RARS2: variants seen among roughly 807,000 people sequenced by gnomAD.
RARS2 encodes the protein arginyl-tRNA synthetase 2, mitochondrial, also known as probable arginine--tRNA ligase, mitochondrial.
In RARS2, 67 loss-of-function variants were observed where a neutral mutation model predicts 88.5. That is an observed-to-expected ratio of 0.76 (90% CI 0.62 to 0.93). The LOEUF (loss-of-function observed/expected upper bound fraction) is 0.93, where lower values mean the gene tolerates loss of function less well. Ranked by LOEUF, RARS2 falls within the 40% of genes least tolerant of loss-of-function variation. RARS2 has a pLI of 0.00. For synonymous variants in RARS2, 239 were observed against 230.3 expected (o/e 1.04, Z -0.34); for missense variants, 664 against 684.2 (o/e 0.97, Z 0.33).
At chr6:87,543,937 T>G (rs941211316) in intron 7 of RARS2, among the ~76,000 whole-genome samples, 1 of 152,188 alleles carries the variant, frequency 6.6e-6, no homozygotes, top group African/African-American at 2.4e-5. Context: ...CAATTCCATT[T>G]AACATTCAGC....
chr6:87,517,896 A>G (rs1388081819), intron 17 of RARS2, among the ~76,000 whole-genome samples: 1 of 152,218 alleles, frequency 6.6e-6, no homozygotes, highest in Non-Finnish European at 1.5e-5. Context: ...TTATGCTTTT[A>G]TAAGGCTTTA....
intron 9 of RARS2, 83 bp from the exon 10 acceptor site, chr6:87,529,731 T>C: frequency 2.2e-6 from 2 of 895,080 alleles, no homozygotes; most frequent in Non-Finnish European, 3.7e-6. Flanking sequence ...AAGGATGCTC[T>C]ACCACCTGTC....
chr6:87,552,397 G>A (rs945276672), intron 5 of RARS2, among the ~76,000 whole-genome samples: 5 of 152,168 alleles, frequency 3.3e-5, no homozygotes, highest in Admixed American at 1.3e-4. Flanking sequence ...GGAGAGAGAA[G>A]CAATGGTCTC....
chr6:87,535,831 C>T (rs1778987861), intron 8 of RARS2, among the ~76,000 whole-genome samples: 1 of 151,818 alleles, frequency 6.6e-6, no homozygotes, highest in Non-Finnish European at 1.5e-5. Flanking sequence ...CATGCATCAC[C>T]ATGCCCAGCT....
At chr6:87,562,651 C>T (rs1158866740) in intron 4 of RARS2, 51 bp downstream of exon 4, 1 of 1,390,824 alleles carries the variant, frequency 7.2e-7, no homozygotes, top group Non-Finnish European at 1.0e-6. Context: ...ACCACTGTGG[C>T]TGAAGCAGAC....
At chr6:87,583,377 G>A (rs993829600) in intron 1 of RARS2, among the ~76,000 whole-genome samples, 1 of 152,116 alleles carries the variant, frequency 6.6e-6, no homozygotes, top group East Asian at 1.9e-4. Flanking sequence ...ATCACCTGAG[G>A]TCGGGAGTTT....
Position 87,545,554 on chromosome 6 carries a change from T to C in RARS2, c.535+62A>G, listed in dbSNP as rs556374328. Reference sequence around the variant, plus strand: ...GGATTCTGCCTATATTCTGTCCAGATCAAAGTTTTTACAAATTGAATTTTA... The same window carrying C: ...GGATTCTGCCTATATTCTGTCCAGACCAAAGTTTTTACAAATTGAATTTTA... On this transcript the variant is annotated intron_variant, in intron 7 of 19. Transcript: ENST00000369536. 6 of 1,605,604 alleles carry C rather than the reference T, an allele frequency of 3.7e-6. No individual in the cohort carries two copies. In the East Asian group the frequency reaches 9.0e-5, roughly 24 times the overall value.
intron 8 of RARS2, among the ~76,000 whole-genome samples, chr6:87,540,467 A>C (rs906595351): frequency 7.9e-5 from 12 of 152,008 alleles, no homozygotes; most frequent in Admixed American, 3.9e-4. Context: ...AAAAAAAAAA[A>C]AAACTGGAAT....
At chr6:87,526,850 T>C (rs1250231834) in intron 10 of RARS2, among the ~76,000 whole-genome samples, 1 of 151,724 alleles carries the variant, frequency 6.6e-6, no homozygotes, top group Non-Finnish European at 1.5e-5. Flanking sequence ...TTTGTATTTT[T>C]AGTAGAGATG....
At chr6:87,542,038 C>G in intron 7 of RARS2, 44 bp from the exon 8 acceptor site, 1 of 1,441,304 alleles carries the variant, frequency 6.9e-7, no homozygotes, top group Non-Finnish European at 9.8e-7. Flanking sequence ...AGTTGAACAA[C>G]AGAGAATAGG....
At chr6:87,583,589 CAA>C (rs5878038) in intron 1 of RARS2, among the ~76,000 whole-genome samples, 20 of 125,458 alleles carry the variant, frequency 1.6e-4, no homozygotes, top group African/African-American at 3.2e-4. Context: ...AACTGCGTCT[CAA>C]AAAAAAAAAA....
chr6:87,526,343 C>T (rs1225302889), intron 10 of RARS2, among the ~76,000 whole-genome samples: 1 of 152,080 alleles, frequency 6.6e-6, no homozygotes, highest in Non-Finnish European at 1.5e-5. Context: ...TGGTGAAACT[C>T]CATCTCTACT....
chr6:87,584,577 T>C, intron 1 of RARS2: 1 of 328,112 alleles, frequency 3.0e-6, no homozygotes, highest in Non-Finnish European at 6.1e-6. Context: ...AAGAGTTAGT[T>C]ACACAAATAG....
chr6:87,580,098 T>TA (rs1773017251), intron 1 of RARS2, among the ~76,000 whole-genome samples: 2 of 152,168 alleles, frequency 1.3e-5, no homozygotes, highest in East Asian at 3.9e-4. Context: ...CTGGGAGTAA[T>TA]ACGACTTTCT....
chr6:87,581,943 T>C (rs1255365971), intron 1 of RARS2, among the ~76,000 whole-genome samples: 3 of 152,240 alleles, frequency 2.0e-5, no homozygotes, highest in South Asian at 4.1e-4. Context: ...CGTTCCTTTT[T>C]ACGGTTGCAC....
chr6:87,546,006 GA>G (rs201170367), intron 6 of RARS2, among the ~76,000 whole-genome samples: 2,052 of 140,456 alleles, frequency 0.015, 38 homozygotes, highest in African/African-American at 0.046. Flanking sequence ...TTCAAGAAGA[GA>G]AAAAAAAAAA....
chr6:87,562,741 C>G lies in RARS2; in HGVS notation c.258G>C (p.Arg86Ser). The G allele has an allele frequency of 6.2e-7, 1 of 1,613,562 alleles. No homozygotes were observed. The highest frequency in any genetic ancestry group is 1.1e-5 in the South Asian group (1 of 91,054). The change falls in exon 4 of 20, where the codon AGG becomes AGC. Residue 86 changes from arginine to serine, a missense_variant. Physicochemically the swap from Arg to Ser is moderately radical, Grantham distance 110 (BLOSUM62 -1). Transcript: ENST00000369536. ...TVVSEISTGQ[R>S]TVNFKINREL... ...CTCTGTTTATTTTGAAATTTACAGT[C>G]CTTTGACCAGTACTGATTTCACTCA...
chr6:87,522,185 C>T (rs1429212965), intron 11 of RARS2, among the ~76,000 whole-genome samples: 1 of 152,032 alleles, frequency 6.6e-6, no homozygotes. Flanking sequence ...CAAAAATTAG[C>T]TGGGCGTGGT....
chr6:87,580,798 A>G (rs1773251797), intron 1 of RARS2, among the ~76,000 whole-genome samples: 1 of 151,924 alleles, frequency 6.6e-6, no homozygotes, highest in South Asian at 2.1e-4. Flanking sequence ...TTTTAAGAGG[A>G]AGCACTTAAG....
Sources: allele counts gnomAD v4.1 joint callset (sites outside exome capture counted in the v4.1 genomes callset), GRCh38; gene constraint gnomAD v4.1.1; transcripts MANE v1.5; gene names NCBI Gene and HGNC (gene_info 2026-07-23, HGNC 2026-07-21).